Variants in FER1L6 observed in about 807,000 individuals in gnomAD.
FER1L6 encodes the protein fer-1 like family member 6.
Under a neutral mutation model 219.2 loss-of-function variants are expected in FER1L6, and 177 were observed. The ratio of observed to expected loss-of-function variants is 0.81; its 90% CI spans 0.71 to 0.91. The LOEUF (loss-of-function observed/expected upper bound fraction) is 0.91. FER1L6 is among the 40% of genes least tolerant of loss of function. FER1L6 has a pLI of 0.00. For missense variants in FER1L6, 2,153 were observed against 2,259.9 expected (o/e 0.95, Z 0.96); for synonymous variants, 768 against 824.3 (o/e 0.93, Z 1.17).
At position 124,031,872 on chromosome 8, in the gene FER1L6, G is replaced by A. The variant is rs181445314; in HGVS notation, c.2287-3405G>A. On this transcript the variant is annotated intron_variant, in intron 18 of 40. Coordinates refer to ENST00000522917, the MANE Select transcript of FER1L6 (RefSeq NM_001039112.2). ...CCTGTTCCTGAAAGCACCTAGGAAG[G>A]TGCTCGATAATGTTGAATGAATCCA... Among the ~76,000 whole-genome samples the A allele has an allele frequency of 3.3e-5, 5 of 152,304 alleles. No individual in the cohort carries two copies. In the East Asian group the frequency reaches 7.7e-4, roughly 24 times the overall value.
chr8:124,020,241 GT>G (rs556689217), intron 16 of FER1L6, among the ~76,000 whole-genome samples: 166 of 152,288 alleles, frequency 1.1e-3, no homozygotes, highest in South Asian at 5.0e-3. Flanking sequence ...CCCCAGCCAT[GT>G]AGAACTGTGA....
chr8:124,099,668 A>G (rs1295959503), intron 37 of FER1L6, among the ~76,000 whole-genome samples: 1 of 152,130 alleles, frequency 6.6e-6, no homozygotes, highest in African/African-American at 2.4e-5. Context: ...TCAAAACACA[A>G]TCTGATCATG....
chr8:123,903,484 A>T (rs1354571698), intron 1 of FER1L6, among the ~76,000 whole-genome samples: 1 of 152,232 alleles, frequency 6.6e-6, no homozygotes, highest in African/African-American at 2.4e-5. Flanking sequence ...GATAATTCTG[A>T]TGTTAGTTCT....
chr8:124,024,183 A>G (rs1015383636), intron 18 of FER1L6, among the ~76,000 whole-genome samples: 1 of 148,496 alleles, frequency 6.7e-6, no homozygotes, highest in Non-Finnish European at 1.5e-5. Flanking sequence ...AGCGTGAGCC[A>G]CCGTACTTGG....
intron 1 of FER1L6, among the ~76,000 whole-genome samples, chr8:123,929,212 T>C (rs4871437): frequency 0.41 from 61,807 of 152,116 alleles, 12,916 homozygotes; most frequent in South Asian, 0.52. Context: ...TAACACGTTT[T>C]ATTGAGTGGC....
At chr8:123,920,594 G>A (rs1312211752) in intron 1 of FER1L6, among the ~76,000 whole-genome samples, 1 of 152,200 alleles carries the variant, frequency 6.6e-6, no homozygotes, top group East Asian at 1.9e-4. Context: ...CAGTTGTGTA[G>A]AAAACATTCC....
chr8:124,097,408 A>C, intron 36 of FER1L6, 49 bp downstream of exon 36: 1 of 1,307,750 alleles, frequency 7.6e-7, no homozygotes, highest in Non-Finnish European at 1.1e-6. Context: ...AGGGTAGCAG[A>C]TGAAAGAATC....
chr8:123,995,995 C>T (rs185114316), intron 12 of FER1L6, among the ~76,000 whole-genome samples: 28 of 152,144 alleles, frequency 1.8e-4, no homozygotes, highest in Non-Finnish European at 4.1e-4. Flanking sequence ...GATTTCTAGT[C>T]TTATTCTATT....
intron 22 of FER1L6, among the ~76,000 whole-genome samples, chr8:124,058,303 G>C (rs2130814202): frequency 6.6e-6 from 1 of 152,230 alleles, no homozygotes; most frequent in African/African-American, 2.4e-5. Context: ...CCTACTTTGA[G>C]GTCCTGATAT....
At chr8:124,024,707 A>G (rs1818627708) in intron 18 of FER1L6, among the ~76,000 whole-genome samples, 1 of 152,188 alleles carries the variant, frequency 6.6e-6, no homozygotes, top group Non-Finnish European at 1.5e-5. Context: ...TTCTTTGGGT[A>G]GATACCCAAT....
At chr8:123,901,557 G>A (rs1238076665) in intron 1 of FER1L6, among the ~76,000 whole-genome samples, 2 of 135,534 alleles carry the variant, frequency 1.5e-5, no homozygotes, top group Non-Finnish European at 3.2e-5. Context: ...GTTTGGTTTG[G>A]TTCTTGTTTC....
In FER1L6 at chr8:124,021,621, T is replaced by A. The variant is rs772687210; in HGVS notation, c.2085T>A (p.Ile695=). The A allele has an allele frequency of 2.5e-6, 4 of 1,614,180 alleles. No individual in the cohort carries two copies. In the Admixed American group the frequency reaches 6.7e-5, roughly 27 times the overall value. The change falls in exon 17 of 41, where the codon ATT becomes ATA. Residue 695 remains isoleucine, a synonymous_variant. Coordinates refer to ENST00000522917, the MANE Select transcript of FER1L6 (RefSeq NM_001039112.2). ...AAAAGTTATCTGTTGATGAAATGAT[T>A]CACGAAGCCCAAAACTTTGTGGAAA... ...QKKKLSVDEM[I]HEAQNFVEKI... is the part of the protein sequence containing the mutation.
Position 124,023,550 on chromosome 8 carries a change from G to A in FER1L6, c.2240G>A (p.Gly747Glu), listed in dbSNP as rs202101271. Reference protein sequence around the residue: ...SKDLLYSPVAGQMGKHCGKIK... With the variant: ...SKDLLYSPVAEQMGKHCGKIK... Reference sequence around the variant, plus strand: ...GACCTCCTCTATTCCCCTGTCGCGGGGCAGATGGGCAAACACTGCGGCAAG... The same window carrying A: ...GACCTCCTCTATTCCCCTGTCGCGGAGCAGATGGGCAAACACTGCGGCAAG... The change falls in exon 18 of 41, where the codon GGG becomes GAG. Residue 747 changes from glycine (G) to glutamate (E), a missense_variant. Physicochemically the swap from Gly to Glu is moderately conservative, Grantham distance 98. Transcript: ENST00000522917. The A allele has an allele frequency of 1.6e-4, 261 of 1,614,094 alleles. 1 individual carries two copies. Among genetic ancestry groups the A allele is most frequent in the Non-Finnish European group, 2.1e-4 (243 of 1,180,014 alleles).
chr8:124,005,389 A>C (rs193188607), intron 13 of FER1L6, among the ~76,000 whole-genome samples: 3 of 152,298 alleles, frequency 2.0e-5, no homozygotes, highest in African/African-American at 7.2e-5. Context: ...GCAGTGCCCC[A>C]TGGCAGTATC....
intron 39 of FER1L6, among the ~76,000 whole-genome samples, chr8:124,118,142 C>A (rs796104285): frequency 3.9e-5 from 6 of 152,196 alleles, no homozygotes; most frequent in African/African-American, 1.2e-4. Context: ...TACAAAGGAT[C>A]CCCAAAAGTG....
At chr8:124,045,998 G>T (rs1202718527) in intron 21 of FER1L6, 97 bp downstream of exon 21, 1 of 1,447,516 alleles carries the variant, frequency 6.9e-7, no homozygotes, top group Non-Finnish European at 9.4e-7. Flanking sequence ...TCCTGACGCT[G>T]TGAGTGGTGA....
chr8:123,900,382 G>A (rs1036809856), intron 1 of FER1L6, among the ~76,000 whole-genome samples: 6 of 152,110 alleles, frequency 3.9e-5, no homozygotes, highest in Non-Finnish European at 8.8e-5. Flanking sequence ...TCAGTTCTAG[G>A]AGGTTTCTGG....
intron 18 of FER1L6, among the ~76,000 whole-genome samples, chr8:124,034,885 A>G (rs1194641026): frequency 6.6e-6 from 1 of 152,160 alleles, no homozygotes; most frequent in Non-Finnish European, 1.5e-5. Context: ...CATCTCTTTT[A>G]TTTTTGACTT....
At chr8:124,030,716 A>G (rs1424756975) in intron 18 of FER1L6, among the ~76,000 whole-genome samples, 1 of 152,136 alleles carries the variant, frequency 6.6e-6, no homozygotes, top group Non-Finnish European at 1.5e-5. Flanking sequence ...TTTTCCTAGG[A>G]TGCAGCAGGA....
Sources: gnomAD v4.1 joint callset for allele counts (sites outside exome capture counted in the v4.1 genomes callset) on GRCh38, gnomAD v4.1.1 for gene constraint, MANE v1.5 for transcripts, NCBI Gene and HGNC (gene_info 2026-07-23, HGNC 2026-07-21) for gene names.